NETO2: variants seen among roughly 807,000 people sequenced by gnomAD.
NETO2 encodes neuropilin and tolloid like 2, also known as neuropilin and tolloid-like protein 2.
A neutral mutation model predicts 62.5 loss-of-function variants in NETO2; 28 were observed. The observed-to-expected ratio is 0.45, with a 90% CI of 0.33 to 0.61. The LOEUF is 0.61. Among genes scored for constraint, NETO2 ranks in the 20% least tolerant of loss-of-function variants. NETO2 has a pLI of 0.02. For missense variants in NETO2, 548 were observed against 643.2 expected (o/e 0.85, Z 1.60); for synonymous variants, 214 against 219.1 (o/e 0.98, Z 0.21).
At chr16:47,101,906 C>G (rs888797790) in intron 7 of NETO2, among the ~76,000 whole-genome samples, 1 of 152,168 alleles carries the variant, frequency 6.6e-6, no homozygotes, top group African/African-American at 2.4e-5. Flanking sequence ...TACCATTTGA[C>G]TTTCTTCACA....
At chr16:47,141,435 T>C (rs1964459435) in intron 1 of NETO2, among the ~76,000 whole-genome samples, 1 of 152,018 alleles carries the variant, frequency 6.6e-6, no homozygotes, top group Non-Finnish European at 1.5e-5. Flanking sequence ...ATATTGATTT[T>C]TAAATAAATT....
intron 8 of NETO2, among the ~76,000 whole-genome samples, chr16:47,084,735 A>G (rs1263480572): frequency 6.6e-6 from 1 of 152,180 alleles, no homozygotes; most frequent in Non-Finnish European, 1.5e-5. Context: ...AGTGCATGTG[A>G]GGGATATAGG....
chr16:47,141,319 A>C (rs188551898), intron 1 of NETO2, among the ~76,000 whole-genome samples: 2 of 152,354 alleles, frequency 1.3e-5, no homozygotes, highest in East Asian at 3.9e-4. Context: ...AAAGCAATTC[A>C]CTTTATAGGA....
At chr16:47,121,963 T>C (rs767826887) in intron 6 of NETO2, among the ~76,000 whole-genome samples, 13 of 152,224 alleles carry the variant, frequency 8.5e-5, no homozygotes, top group Non-Finnish European at 1.6e-4. Flanking sequence ...GGTTACCTTA[T>C]CTATCATATT....
chr16:47,086,098 T>TC, intron 8 of NETO2, 128 bp downstream of exon 8: 1 of 695,994 alleles, frequency 1.4e-6, no homozygotes, highest in Non-Finnish European at 2.6e-6. Context: ...AGAGCAGGAC[T>TC]CCGTCTCAAA....
Position 47,132,098 on chromosome 16 carries a change from T to C in NETO2, c.35-73A>G, listed in dbSNP as rs139259734. Reference sequence around the variant, plus strand: ...CATTTTACTAAGTCAATAAATAAAATTGGATGACAAAAAAAGATTAACTAA... The same window carrying C: ...CATTTTACTAAGTCAATAAATAAAACTGGATGACAAAAAAAGATTAACTAA... On this transcript the variant is annotated intron_variant, in intron 1 of 8. Transcript: ENST00000562435. 7.6e-5 allele frequency: 87 copies of C among 1,138,040 alleles called. No homozygotes were observed. The East Asian group carries it at 1.8e-3, about 23-fold the overall frequency. 70.5% of individuals were successfully genotyped at this position (1,138,040 alleles called of 1,614,324 possible). A position where few individuals can be genotyped will look rare whatever the true frequency, so the allele number is the denominator to read the frequency against.
rs965501051 is a variant in NETO2 at position 47,086,458 on chromosome 16, ACT to A, written c.884-121_884-120del. On this transcript the variant is annotated intron_variant, in intron 7 of 8. Coordinates refer to ENST00000562435, the MANE Select transcript of NETO2 (RefSeq NM_018092.5). ...ACCGCAAAGGCCTTTCCTTGAATAA[ACT>A]CTGTACTATTCAAACAATAAGACAA... The A allele has an allele frequency of 8.4e-5, 54 of 640,950 alleles. No homozygotes were observed. In the African/African-American group the frequency reaches 8.6e-4, roughly 10 times the overall value. The allele number at this position is 640,950 out of a possible 1,614,324, so 39.7% of individuals were successfully genotyped here. A position where few individuals can be genotyped will look rare whatever the true frequency, so the allele number is the denominator to read the frequency against.
At chr16:47,127,792 T>A (rs1964187089) in intron 4 of NETO2, among the ~76,000 whole-genome samples, 1 of 152,192 alleles carries the variant, frequency 6.6e-6, no homozygotes, top group East Asian at 1.9e-4. Context: ...TAATGGCCAA[T>A]CTCAAACATA....
chr16:47,107,400 C>G (rs1395029285), intron 7 of NETO2, among the ~76,000 whole-genome samples: 1 of 152,106 alleles, frequency 6.6e-6, no homozygotes, highest in Non-Finnish European at 1.5e-5. Flanking sequence ...AAAACAGTAT[C>G]TTGACAGTAA....
intron 1 of NETO2, among the ~76,000 whole-genome samples, chr16:47,133,624 A>C (rs866987428): frequency 2.1e-5 from 3 of 142,214 alleles, no homozygotes; most frequent in South Asian, 2.1e-4. Flanking sequence ...AATAAAATAA[A>C]ATAAAATAAA....
intron 7 of NETO2, among the ~76,000 whole-genome samples, chr16:47,100,242 A>G (rs1963512959): frequency 6.6e-6 from 1 of 152,200 alleles, no homozygotes; most frequent in African/African-American, 2.4e-5. Context: ...GGCAGAAATA[A>G]ATAAGTTCTT....
chr16:47,134,562 G>T (rs1240335410), intron 1 of NETO2, among the ~76,000 whole-genome samples: 1 of 152,084 alleles, frequency 6.6e-6, no homozygotes, highest in East Asian at 1.9e-4. Context: ...ATCTCCCCAG[G>T]CATATCATTC....
intron 7 of NETO2, among the ~76,000 whole-genome samples, chr16:47,086,985 C>G (rs887650747): frequency 6.6e-6 from 1 of 151,936 alleles, no homozygotes; most frequent in African/African-American, 2.4e-5. Flanking sequence ...ATACATACAA[C>G]ATGGACAAAG....
chr16:47,094,570 C>T (rs1467109507), intron 7 of NETO2, among the ~76,000 whole-genome samples: 2 of 151,434 alleles, frequency 1.3e-5, no homozygotes, highest in East Asian at 2.0e-4. Flanking sequence ...GGACTACAGG[C>T]GCCCGCCACC....
At chr16:47,106,292 G>C (rs1187712214) in intron 7 of NETO2, among the ~76,000 whole-genome samples, 1 of 152,096 alleles carries the variant, frequency 6.6e-6, no homozygotes, top group Admixed American at 6.5e-5. Flanking sequence ...AGGTTACCAG[G>C]GTAGGGAGAG....
At chr16:47,097,846 TA>T (rs1963460541) in intron 7 of NETO2, among the ~76,000 whole-genome samples, 1 of 152,158 alleles carries the variant, frequency 6.6e-6, no homozygotes, top group Admixed American at 6.5e-5. Context: ...CAATCTTTGC[TA>T]TTCTGTAGCC....
intron 4 of NETO2, among the ~76,000 whole-genome samples, chr16:47,125,534 CG>C (rs1964139560): frequency 2.0e-5 from 3 of 151,972 alleles, no homozygotes; most frequent in Admixed American, 2.0e-4. Flanking sequence ...TTAGTAGAGA[CG>C]GGGTTTTGCC....
chr16:47,090,768 T>C (rs1423340488), intron 7 of NETO2, among the ~76,000 whole-genome samples: 2 of 152,236 alleles, frequency 1.3e-5, no homozygotes, highest in Non-Finnish European at 2.9e-5. Context: ...TTCCTAAAAC[T>C]GTTTCTTTCT....
rs1210188006 is a variant in NETO2, at chr16:47,080,145, T to A, written c.*3076A>T. The stretch of plus-strand genomic sequence containing the variant: ...TTGTTAAACGTTTAGATTGACACTC[T>A]CCCCACACACAAAAGGAATATCACA... On this transcript the variant is annotated 3_prime_UTR_variant, in exon 9 of 9. Coordinates refer to ENST00000562435, the MANE Select transcript of NETO2 (RefSeq NM_018092.5). The A allele has an allele frequency of 6.6e-6, 1 of 152,234 alleles. No individual in the cohort carries two copies. Among genetic ancestry groups the A allele is most frequent in the Non-Finnish European group, 1.5e-5 (1 of 68,050 alleles). 9.4% of individuals were successfully genotyped at this position (152,234 alleles called of 1,614,324 possible). A position where few individuals can be genotyped will look rare whatever the true frequency, so the allele number is the denominator to read the frequency against.
Sources: gnomAD v4.1 joint callset for allele counts (sites outside exome capture counted in the v4.1 genomes callset) on GRCh38, gnomAD v4.1.1 for gene constraint, MANE v1.5 for transcripts, NCBI Gene and HGNC (gene_info 2026-07-23, HGNC 2026-07-21) for gene names.